The following ROBO2 variants were observed in gnomAD, a reference collection of about 807,000 sequenced individuals.
ROBO2 encodes the protein roundabout guidance receptor 2.
A neutral mutation model predicts 160.8 loss-of-function variants in ROBO2; 53 were observed. The observed-to-expected ratio is 0.33, with a 90% CI of 0.26 to 0.41. ROBO2 has a LOEUF of 0.41. Ranked by LOEUF, ROBO2 falls within the 10% of genes least tolerant of loss-of-function variation. ROBO2 has a pLI of 1.00. For missense variants in ROBO2, 1,577 were observed against 1,722.4 expected (o/e 0.92, Z 1.49); for synonymous variants, 664 against 611.7 (o/e 1.09, Z -1.26).
chr3:76,088,886 A>C lies in ROBO2; in HGVS notation c.109+151284A>C, dbSNP rs914848755. Among the ~76,000 whole-genome samples, 23 of 152,070 alleles carry C rather than the reference A, an allele frequency of 1.5e-4. 1 individual carries two copies. The highest frequency in any genetic ancestry group is 6.6e-5 in the Admixed American group (1 of 15,244). On this transcript the variant is annotated intron_variant, in intron 2 of 26. Transcript: ENST00000487694. The stretch of plus-strand genomic sequence containing the variant: ...TTAGTGGAGGAATCCATGACACTAA[A>C]GACAGATATCAATAGAGAAAATCAA...
intron 2 of ROBO2, among the ~76,000 whole-genome samples, chr3:76,697,156 A>G (rs1183132473): frequency 1.3e-5 from 2 of 152,200 alleles, no homozygotes; most frequent in African/African-American, 4.8e-5. Context: ...AGATCTATCA[A>G]ATGTGTTCAA....
At chr3:77,382,283 A>G (rs1195414071) in intron 2 of ROBO2, among the ~76,000 whole-genome samples, 1 of 152,102 alleles carries the variant, frequency 6.6e-6, no homozygotes, top group African/African-American at 2.4e-5. Flanking sequence ...AGGCCCTGTA[A>G]AAAACACCAT....
At chr3:77,410,669 CTCTTCCTCCTCCTCCTCT>C (rs2076688452) in intron 2 of ROBO2, among the ~76,000 whole-genome samples, 1 of 145,938 alleles carries the variant, frequency 6.9e-6, no homozygotes, top group African/African-American at 2.6e-5. Context: ...CTTCCTCCTC[CTCTTCCTCCTCCTCCTCT>C]TCCTCCTCCT....
intron 2 of ROBO2, among the ~76,000 whole-genome samples, chr3:76,299,815 C>T (rs542716961): frequency 6.6e-6 from 1 of 151,942 alleles, no homozygotes; most frequent in African/African-American, 2.4e-5. Flanking sequence ...GGATTCTACA[C>T]CTACAAAGAT....
intron 2 of ROBO2, among the ~76,000 whole-genome samples, chr3:76,295,911 T>C (rs1308360128): frequency 1.3e-5 from 2 of 152,162 alleles, no homozygotes. Flanking sequence ...GCTAGTATAA[T>C]ACTGCAAACC....
chr3:77,397,556 C>T (rs2075395955), intron 2 of ROBO2, among the ~76,000 whole-genome samples: 1 of 152,088 alleles, frequency 6.6e-6, no homozygotes. Context: ...TTAAAAGATC[C>T]TCAGTAAGAA....
chr3:76,786,898 A>G (rs2063015849), intron 2 of ROBO2, among the ~76,000 whole-genome samples: 1 of 151,408 alleles, frequency 6.6e-6, no homozygotes, highest in African/African-American at 2.4e-5. Flanking sequence ...TCTAAAGAAA[A>G]GAGGTTTAAT....
chr3:76,251,137 G>A (rs1350050694), intron 2 of ROBO2, among the ~76,000 whole-genome samples: 1 of 151,944 alleles, frequency 6.6e-6, no homozygotes, highest in Non-Finnish European at 1.5e-5. Flanking sequence ...AGTTGCTGAG[G>A]TATAAACACC....
At chr3:76,032,193 G>T (rs1418688662) in intron 2 of ROBO2, among the ~76,000 whole-genome samples, 4 of 152,016 alleles carry the variant, frequency 2.6e-5, no homozygotes, top group East Asian at 3.9e-4. Context: ...CTGTGGGATC[G>T]GTGGTGATAT....
chr3:77,081,334 T>C (rs1357914646), intron 1 of ROBO2, among the ~76,000 whole-genome samples: 1 of 152,194 alleles, frequency 6.6e-6, no homozygotes, highest in Non-Finnish European at 1.5e-5. Flanking sequence ...GGCAATTCTG[T>C]CTTGGATGCC....
chr3:76,944,689 C>G (rs1261116833), intron 2 of ROBO2, among the ~76,000 whole-genome samples: 2 of 152,088 alleles, frequency 1.3e-5, no homozygotes, highest in Non-Finnish European at 2.9e-5. Context: ...ATGCATAAAG[C>G]TTAGACAGTT....
In ROBO2 at chr3:77,309,485, A is replaced by T. The variant is rs974098827; in HGVS notation, c.389-167929A>T. On this transcript the variant is annotated intron_variant, in intron 2 of 25. Coordinates refer to ENST00000461745, the Ensembl canonical transcript of ROBO2. ...GATGTGCCTTCATGCTTATGGAGAGATTTATTCATTCAGATTCTCCTGGAA... is the reference window on the plus strand; with the variant it reads ...GATGTGCCTTCATGCTTATGGAGAGTTTTATTCATTCAGATTCTCCTGGAA... Among the ~76,000 whole-genome samples, 16 of 152,188 alleles carry T rather than the reference A, an allele frequency of 1.1e-4. 1 individual carries two copies. Among genetic ancestry groups the T allele is most frequent in the Non-Finnish European group, 4.4e-5 (3 of 68,028 alleles).
intron 2 of ROBO2, among the ~76,000 whole-genome samples, chr3:77,302,085 T>C (rs1287615164): frequency 2.0e-5 from 3 of 151,640 alleles, no homozygotes; most frequent in Non-Finnish European, 4.4e-5. Flanking sequence ...GAACTTTTTT[T>C]TTCCATAGAA....
intron 17 of ROBO2, among the ~76,000 whole-genome samples, chr3:77,592,920 A>G (rs920189838): frequency 3.3e-5 from 5 of 152,146 alleles, no homozygotes; most frequent in Non-Finnish European, 7.3e-5. Context: ...TGTCATGAAG[A>G]ATTTGCCACT....
intron 2 of ROBO2, among the ~76,000 whole-genome samples, chr3:76,297,085 A>C (rs909772277): frequency 1.6e-4 from 25 of 152,320 alleles, no homozygotes; most frequent in African/African-American, 5.8e-4. Context: ...CCTACTCTTC[A>C]GTTAGTTCAG....
rs148197051 is a variant in ROBO2, at chr3:76,184,134, A to G, written c.109+246532A>G. On this transcript the variant is annotated intron_variant, in intron 2 of 26. Coordinates refer to the ROBO2 transcript ENST00000487694. ...AAAATAACAACCATGTATTTGGTTC[A>G]CGTGTGTGTGGGTTGTTAATTTAGA... is the stretch of plus-strand genomic sequence containing the variant. Among the ~76,000 whole-genome samples, 1,029 of 152,230 alleles carry G rather than the reference A, an allele frequency of 6.8e-3. 11 individuals are homozygous for G. Among genetic ancestry groups the G allele is most frequent in the Non-Finnish European group, 0.011 (758 of 68,002 alleles).
At chr3:76,362,799 A>G (rs1025309163) in intron 2 of ROBO2, among the ~76,000 whole-genome samples, 1 of 151,978 alleles carries the variant, frequency 6.6e-6, no homozygotes, top group East Asian at 1.9e-4. Context: ...ATGTAGCCAG[A>G]GTGAGGAAGC....
At chr3:76,671,900 T>C (rs2092275648) in intron 2 of ROBO2, among the ~76,000 whole-genome samples, 1 of 151,932 alleles carries the variant, frequency 6.6e-6, no homozygotes, top group Non-Finnish European at 1.5e-5. Context: ...ACTTCAGAAG[T>C]CTGTTATGGT....
At chr3:76,105,612 A>G (rs1056920994) in intron 2 of ROBO2, among the ~76,000 whole-genome samples, 5 of 152,174 alleles carry the variant, frequency 3.3e-5, no homozygotes, top group African/African-American at 9.7e-5. Context: ...ATATCTTGAT[A>G]CCTGGCTTAC....
Sources: gnomAD v4.1 joint callset for allele counts (sites outside exome capture counted in the v4.1 genomes callset) on GRCh38, gnomAD v4.1.1 for gene constraint, MANE v1.5 for transcripts, NCBI Gene and HGNC (gene_info 2026-07-23, HGNC 2026-07-21) for gene names.